LRP1B: variants seen among roughly 807,000 people sequenced by gnomAD.
LRP1B encodes low-density lipoprotein receptor-related protein 1B.
In LRP1B, 217 loss-of-function variants were observed where a neutral mutation model predicts 556.6. The ratio of observed to expected loss-of-function variants is 0.39; its 90% CI spans 0.35 to 0.44. The LOEUF is 0.44. Ranked by LOEUF, LRP1B falls within the 20% of genes least tolerant of loss-of-function variation. The pLI is 1.00. For missense variants in LRP1B, 5,053 were observed against 5,620.8 expected, an observed-to-expected ratio of 0.90 and a Z score of 3.23; for synonymous variants, 2,047 against 1,865.8, an observed-to-expected ratio of 1.10 and a Z score of -2.50.
At chr2:141,587,244 A>G (rs67599864) in intron 2 of LRP1B, among the ~76,000 whole-genome samples, 12,166 of 152,230 alleles carry the variant, frequency 0.08, 572 homozygotes, top group South Asian at 0.14. Context: ...CCAGATGTAT[A>G]GATAGTGAAG....
At chr2:141,540,170 G>A (rs1167692887) in intron 2 of LRP1B, among the ~76,000 whole-genome samples, 1 of 151,882 alleles carries the variant, frequency 6.6e-6, no homozygotes, top group African/African-American at 2.4e-5. Context: ...GAGAATTTGA[G>A]ATTGAAAATC....
At chr2:141,214,256 A>G (rs945946103) in intron 6 of LRP1B, among the ~76,000 whole-genome samples, 1 of 152,178 alleles carries the variant, frequency 6.6e-6, no homozygotes, top group African/African-American at 2.4e-5. Flanking sequence ...TGGAACCAGA[A>G]CTAATCAATT....
At chr2:140,983,481 A>C (rs950349765) in intron 17 of LRP1B, among the ~76,000 whole-genome samples, 1 of 152,150 alleles carries the variant, frequency 6.6e-6, no homozygotes, top group African/African-American at 2.4e-5. Context: ...GATATAAGAA[A>C]GAGTGGAGCA....
intron 41 of LRP1B, among the ~76,000 whole-genome samples, chr2:140,640,327 A>G (rs921134822): frequency 3.3e-5 from 4 of 119,628 alleles, no homozygotes; most frequent in Admixed American, 8.8e-5. Context: ...TTCACTGGTC[A>G]CCCTACTTGA....
chr2:141,325,768 A>C (rs1687408095), intron 3 of LRP1B, among the ~76,000 whole-genome samples: 1 of 152,140 alleles, frequency 6.6e-6, no homozygotes, highest in Non-Finnish European at 1.5e-5. Context: ...GATTAGAATA[A>C]TTTATAGAGG....
At chr2:140,437,590 C>A (rs1184189539) in intron 66 of LRP1B, among the ~76,000 whole-genome samples, 1 of 152,154 alleles carries the variant, frequency 6.6e-6, no homozygotes, top group Non-Finnish European at 1.5e-5. Flanking sequence ...AGTACATTAT[C>A]TTTACTGTAT....
chr2:141,803,212 C>T (rs1221864331), intron 2 of LRP1B, among the ~76,000 whole-genome samples: 1 of 137,742 alleles, frequency 7.3e-6, no homozygotes, highest in Non-Finnish European at 1.6e-5. Context: ...TGCCTGCAAT[C>T]GACCTTTTTT....
intron 2 of LRP1B, among the ~76,000 whole-genome samples, chr2:141,617,982 G>T (rs1444415073): frequency 6.6e-6 from 1 of 152,166 alleles, no homozygotes; most frequent in East Asian, 1.9e-4. Context: ...AAGAAGGAAA[G>T]TGAAGACATG....
At chr2:140,451,694 A>C (rs1686892404) in intron 62 of LRP1B, among the ~76,000 whole-genome samples, 1 of 152,164 alleles carries the variant, frequency 6.6e-6, no homozygotes, top group Non-Finnish European at 1.5e-5. Context: ...TAGAATTCCT[A>C]GTAAATACAC....
At chr2:141,104,694 A>G (rs1250654038) in intron 7 of LRP1B, among the ~76,000 whole-genome samples, 1 of 152,082 alleles carries the variant, frequency 6.6e-6, no homozygotes, top group Non-Finnish European at 1.5e-5. Context: ...AATTTCTAGA[A>G]AGCAAGGGTC....
chr2:141,500,938 AT>A (rs1467814906), intron 2 of LRP1B, among the ~76,000 whole-genome samples: 5 of 151,884 alleles, frequency 3.3e-5, no homozygotes, highest in Admixed American at 1.3e-4. Flanking sequence ...GTATCCTTTG[AT>A]TTTTTTCATT....
In LRP1B at chr2:141,517,020, A is replaced by AG. The variant is rs1470250962; in HGVS notation, c.206-36488_206-36487insC. On this transcript the variant is annotated intron_variant, in intron 2 of 90. Coordinates refer to ENST00000389484, the MANE Select transcript of LRP1B (RefSeq NM_018557.3). ...CCCGTCTCTTAAAAAAAAAAAAAAA[A>AG]AAAAAAAAAAAAGTAAATCAATGAA... is the stretch of plus-strand genomic sequence containing the variant. Among the ~76,000 whole-genome samples the AG allele has an allele frequency of 1.7e-4, 23 of 133,752 alleles. 1 individual carries two copies. The highest frequency in any genetic ancestry group is 6.3e-4 in the African/African-American group (23 of 36,510). The allele number at this position is 133,752 out of a possible 152,430, so 87.7% of individuals were successfully genotyped here. A position where few individuals can be genotyped will look rare whatever the true frequency, so the allele number is the denominator to read the frequency against.
chr2:141,163,776 T>C (rs566149976), intron 7 of LRP1B, among the ~76,000 whole-genome samples: 1 of 152,156 alleles, frequency 6.6e-6, no homozygotes, highest in South Asian at 2.1e-4. Flanking sequence ...GAACTGTGAG[T>C]CCACTAAGCC....
intron 27 of LRP1B, among the ~76,000 whole-genome samples, chr2:140,853,715 T>A (rs1466259155): frequency 6.6e-6 from 1 of 151,972 alleles, no homozygotes; most frequent in Non-Finnish European, 1.5e-5. Context: ...AATAAGAGAC[T>A]CACAAAAAAC....
intron 41 of LRP1B, among the ~76,000 whole-genome samples, chr2:140,687,737 CCAAGACTTTCAT>C (rs1297317043): frequency 2.0e-5 from 3 of 151,838 alleles, no homozygotes; most frequent in Non-Finnish European, 4.4e-5. Flanking sequence ...GTCTAAAAAC[CCAAGACTTTCAT>C]ATACCTTTTA....
intron 60 of LRP1B, among the ~76,000 whole-genome samples, chr2:140,464,425 A>G (rs1333896929): frequency 3.9e-5 from 6 of 152,082 alleles, no homozygotes; most frequent in Non-Finnish European, 1.5e-5. Flanking sequence ...CTATTTTTAA[A>G]TTGCTTATAA....
At chr2:141,500,303 G>C (rs1224124423) in intron 2 of LRP1B, among the ~76,000 whole-genome samples, 1 of 152,120 alleles carries the variant, frequency 6.6e-6, no homozygotes, top group Non-Finnish European at 1.5e-5. Flanking sequence ...TTGTTAAAAT[G>C]ATATGTAAGC....
rs377088459 is a variant in LRP1B, at chr2:141,406,873, A to G, written c.343+73523T>C. On this transcript the variant is annotated intron_variant, in intron 3 of 90. Coordinates refer to ENST00000389484, the MANE Select transcript of LRP1B (RefSeq NM_018557.3). ...TATGTGCTGTAAGCTTTTAACATCA[A>G]CTTATCCTATGATGGATCTTCTCAG... is the stretch of plus-strand genomic sequence containing the variant. Among the ~76,000 whole-genome samples, 20 of 152,256 alleles carry G rather than the reference A, an allele frequency of 1.3e-4. No homozygotes were observed. In the East Asian group the frequency reaches 3.7e-3, roughly 28 times the overall value.
chr2:141,088,775 C>A (rs1168960493), intron 7 of LRP1B, among the ~76,000 whole-genome samples: 1 of 152,092 alleles, frequency 6.6e-6, no homozygotes, highest in Non-Finnish European at 1.5e-5. Context: ...CACTAGGGTG[C>A]TTCAAATGGG....
Sources: allele counts gnomAD v4.1 joint callset (sites outside exome capture counted in the v4.1 genomes callset), GRCh38; gene constraint gnomAD v4.1.1; transcripts MANE v1.5; gene names NCBI Gene and HGNC (gene_info 2026-07-23, HGNC 2026-07-21).